CD37: variants seen among roughly 807,000 people sequenced by gnomAD.
CD37 encodes leukocyte antigen CD37.
Under a neutral mutation model 38.9 loss-of-function variants are expected in CD37, and 37 were observed. The ratio of observed to expected loss-of-function variants is 0.95; its 90% confidence interval spans 0.73 to 1.25. The LOEUF is 1.25. Among genes scored for constraint, CD37 ranks in the 50% most tolerant of loss-of-function variants. The pLI, the probability that CD37 is intolerant of heterozygous loss-of-function variation, is 0.00. For missense variants in CD37, 351 were observed against 360.1 expected, an observed-to-expected ratio of 0.97 and a Z score of 0.20; for synonymous variants, 146 against 150.1, an observed-to-expected ratio of 0.97 and a Z score of 0.20.
chr19:49,336,038 C>A, intron 2 of CD37: 1 of 535,158 alleles, frequency 1.9e-6, no homozygotes, highest in Non-Finnish European at 3.3e-6. Flanking sequence ...TGGTCAGATG[C>A]CCCCACAAAC....
chr19:49,337,365 C>T lies in CD37; in HGVS notation c.342+144C>T, dbSNP rs540652404. The T allele has an allele frequency of 1.5e-4, 129 of 842,062 alleles. No homozygotes were observed. The African/African-American group carries it at 1.8e-3, about 12-fold the overall frequency. 52.2% of individuals were successfully genotyped at this position (842,062 alleles called of 1,614,324 possible). On this transcript the variant is annotated intron_variant, in intron 4 of 7. Coordinates refer to ENST00000323906, the MANE Select transcript of CD37 (RefSeq NM_001774.3). ...AAATAAGAGGCTGGGCCTGGTGGCT[C>T]ACGCCTGTAATCCCATAATCCCAGC... is the stretch of plus-strand genomic sequence containing the variant.
chr19:49,338,884 GAC>G lies in CD37; in HGVS notation c.636_637del (p.His212GlnfsTer93). On this transcript the variant is annotated frameshift_variant, in exon 6 of 8. Transcript: ENST00000323906. LOFTEE classifies it high-confidence loss of function. The surrounding 1 kb of genome is among the most constrained non-coding windows in gnomAD (Gnocchi z 5.0). Reference sequence around the variant, plus strand: ...AGGCTTGGACACCTGGCGCGGTCCAGACACAGTGCAGACATCTGCGCTGTCCC... The same window carrying G: ...AGGCTTGGACACCTGGCGCGGTCCAGACAGTGCAGACATCTGCGCTGTCCC... 2 of 1,614,146 alleles carry G rather than the reference GAC, an allele frequency of 1.2e-6. No individual in the cohort carries two copies. The highest frequency in any genetic ancestry group is 1.7e-6 in the Non-Finnish European group (2 of 1,180,046).
intron 2 of CD37, chr19:49,336,657 G>T: frequency 2.1e-6 from 1 of 466,366 alleles, no homozygotes. Flanking sequence ...TGAAACTACT[G>T]GGGACGAGGA....
chr19:49,340,538 G>A lies in CD37; in HGVS notation c.*210G>A. The A allele has an allele frequency of 1.6e-6, 1 of 610,642 alleles. No homozygotes were observed. The highest frequency in any genetic ancestry group is 2.8e-5 in the Admixed American group (1 of 36,258). The allele number at this position is 610,642 out of a possible 1,614,324, so 37.8% of individuals were successfully genotyped here. A position where few individuals can be genotyped will look rare whatever the true frequency, so the allele number is the denominator to read the frequency against. On this transcript the variant is annotated 3_prime_UTR_variant, in exon 8 of 8. Coordinates refer to ENST00000323906, the MANE Select transcript of CD37 (RefSeq NM_001774.3). ...CCACAGCTTCCTGTCCCCATCTGTC[G>A]GCCTACCACCACCCACAAGATTATT...
chr19:49,339,337 C>A lies in CD37; in HGVS notation c.692C>A (p.Ala231Glu). 1 of 1,613,868 alleles carries A rather than the reference C, an allele frequency of 6.2e-7. No homozygotes were observed. Reference protein sequence around the residue: ...AESHIYREGCAQGLQKWLHNN... With the variant: ...AESHIYREGCEQGLQKWLHNN... ...TTTCCCTACACCCCCCAGGGCTGCG[C>A]GCAGGGCCTCCAGAAGTGGCTGCAC... The change falls in exon 7 of 8, where the codon GCG becomes GAG. Residue 231 changes from alanine (A) to glutamate (E), a missense_variant. By Grantham distance (107) the Ala-to-Glu change is moderately radical (BLOSUM62 -1). Transcript: ENST00000323906. The surrounding 1 kb of genome is among the most constrained non-coding windows in gnomAD (Gnocchi z 4.5).
Position 49,335,474 on chromosome 19 carries a change from C to G in CD37, c.-67C>G, listed in dbSNP as rs1329716770. 2 of 1,100,508 alleles carry G rather than the reference C, an allele frequency of 1.8e-6. No individual in the cohort carries two copies. The highest frequency in any genetic ancestry group is 2.8e-6 in the Non-Finnish European group (2 of 717,052). The allele number at this position is 1,100,508 out of a possible 1,614,324, so 68.2% of individuals were successfully genotyped here. On this transcript the variant is annotated 5_prime_UTR_variant, in exon 1 of 8. Coordinates refer to ENST00000323906, the MANE Select transcript of CD37 (RefSeq NM_001774.3). The surrounding 1 kb of genome is among the most constrained non-coding windows in gnomAD (Gnocchi z 4.6). ...TTTCTCTCTCAGCCTCTTTCTTTCTCCCTGTCTCCCCCACTGTCAGCACCT... is the reference window on the plus strand; with the variant it reads ...TTTCTCTCTCAGCCTCTTTCTTTCTGCCTGTCTCCCCCACTGTCAGCACCT...
chr19:49,339,663 T>G lies in CD37; in HGVS notation c.768+250T>G. 2 of 1,427,794 alleles carry G rather than the reference T, an allele frequency of 1.4e-6. No individual in the cohort carries two copies. The highest frequency in any genetic ancestry group is 1.8e-6 in the Non-Finnish European group (2 of 1,095,870). The allele number at this position is 1,427,794 out of a possible 1,614,324, so 88.4% of individuals were successfully genotyped here. On this transcript the variant is annotated intron_variant, in intron 7 of 7. Coordinates refer to ENST00000323906, the MANE Select transcript of CD37 (RefSeq NM_001774.3). This position sits in a 1 kb window ranked among gnomAD's most constrained non-coding sequence, Gnocchi z 4.5. Reference sequence around the variant, plus strand: ...TCCCTCCCCTTTCTCCGCAGATGACTGTCATGGTGCTGAGCGTACAGCTAC... The same window carrying G: ...TCCCTCCCCTTTCTCCGCAGATGACGGTCATGGTGCTGAGCGTACAGCTAC...
At position 49,338,714 on chromosome 19, in the gene CD37, C is replaced by T; in HGVS notation, c.462C>T (p.Gly154=). 6.2e-7 allele frequency: 1 copy of T among 1,611,588 alleles called. No individual in the cohort carries two copies. Among genetic ancestry groups the T allele is most frequent in the Non-Finnish European group, 8.5e-7 (1 of 1,179,444 alleles). ...DYVQFQLRCC[G]WHYPQDWFQV... is the part of the protein sequence containing the mutation. The stretch of plus-strand genomic sequence containing the variant: ...CCCTCTCCCAGCTGCGCTGCTGCGG[C>T]TGGCACTACCCGCAGGACTGGTTCC... The change falls in exon 6 of 8, where the codon GGC becomes GGT. Residue 154 remains glycine (G), a synonymous_variant. Coordinates refer to ENST00000323906, the MANE Select transcript of CD37 (RefSeq NM_001774.3). This position sits in a 1 kb window ranked among gnomAD's most constrained non-coding sequence, Gnocchi z 5.0.
rs1254792127 is a variant in CD37 at position 49,337,909 on chromosome 19, A to C, written c.343-16A>C. On this transcript the variant is annotated splice_polypyrimidine_tract_variant and intron_variant, in intron 4 of 7. Coordinates refer to ENST00000323906, the MANE Select transcript of CD37 (RefSeq NM_001774.3). ...GGCGGGGAAGATAAGGCCCAGCCTC[A>C]CTGGTGGCCTCTCAGCTGGAGCGAA... 6.2e-7 allele frequency: 1 copy of C among 1,613,892 alleles called. No homozygotes were observed.
intron 4 of CD37, 99 bp downstream of exon 4, chr19:49,337,320 G>A (rs1970994890): frequency 4.3e-6 from 5 of 1,159,204 alleles, no homozygotes; most frequent in East Asian, 4.7e-5. Context: ...GGGCAGACAG[G>A]GGCTAACCTA....
Position 49,339,779 on chromosome 19 carries a change from G to GC in CD37, c.768+367dup. The stretch of plus-strand genomic sequence containing the variant: ...CCCAGCCTGATCGCTGACGGCGGCG[G>GC]CGGGCACAGCGGCAGTCTGTGGGGT... On this transcript the variant is annotated intron_variant, in intron 7 of 7. Transcript: ENST00000323906. This position sits in a 1 kb window ranked among gnomAD's most constrained non-coding sequence, Gnocchi z 4.5. The GC allele has an allele frequency of 3.7e-6, 5 of 1,365,260 alleles. No individual in the cohort carries two copies. Among genetic ancestry groups the GC allele is most frequent in the Non-Finnish European group, 4.7e-6 (5 of 1,060,300 alleles). The allele number at this position is 1,365,260 out of a possible 1,614,324, so 84.6% of individuals were successfully genotyped here.
In CD37 at chr19:49,338,187, A is replaced by G. The variant is rs1971033209; in HGVS notation, c.447+158A>G. ...CGCTCCCCACTCCCCAGATGACACA[A>G]CTGTCCCCGGCGTCGCCTGGTCTCC... On this transcript the variant is annotated intron_variant, in intron 5 of 7. Coordinates refer to ENST00000323906, the MANE Select transcript of CD37 (RefSeq NM_001774.3). The surrounding 1 kb of genome is among the most constrained non-coding windows in gnomAD (Gnocchi z 5.0). The G allele has an allele frequency of 2.1e-6, 3 of 1,437,982 alleles. 1 individual carries two copies. In the South Asian group the frequency reaches 4.5e-5, roughly 21 times the overall value. The allele number at this position is 1,437,982 out of a possible 1,614,324, so 89.1% of individuals were successfully genotyped here.
chr19:49,338,920 G>C lies in CD37; in HGVS notation c.668G>C (p.Ser223Thr). ...SADICAVPAESHIYREGCAQG... is the reference protein window; with the variant it reads ...SADICAVPAETHIYREGCAQG... ...GACATCTGCGCTGTCCCTGCAGAGA[G>C]CCACATCTACCGCGAGGTGGGCAGG... The change falls in exon 6 of 8, where the codon AGC becomes ACC. Residue 223 changes from serine (S) to threonine (T), a missense_variant. Coordinates refer to ENST00000323906, the MANE Select transcript of CD37 (RefSeq NM_001774.3). This position sits in a 1 kb window ranked among gnomAD's most constrained non-coding sequence, Gnocchi z 5.0. 1 of 1,613,054 alleles carries C rather than the reference G, an allele frequency of 6.2e-7. No homozygotes were observed. The highest frequency in any genetic ancestry group is 8.5e-7 in the Non-Finnish European group (1 of 1,179,198).
In CD37 at chr19:49,336,763, C is replaced by T. The variant is rs1970970774; in HGVS notation, c.143-146C>T. 5 of 738,276 alleles carry T rather than the reference C, an allele frequency of 6.8e-6. No individual in the cohort carries two copies. In the South Asian group the frequency reaches 7.5e-5, roughly 11 times the overall value. The allele number at this position is 738,276 out of a possible 1,614,324, so 45.7% of individuals were successfully genotyped here. ...AAGAAGAGAAAGTTTCAGAAGGAAACAGGGACTCAGGGTGGGGCAGGGACA... is the reference window on the plus strand; with the variant it reads ...AAGAAGAGAAAGTTTCAGAAGGAAATAGGGACTCAGGGTGGGGCAGGGACA... On this transcript the variant is annotated intron_variant, in intron 2 of 7. Transcript: ENST00000323906.
At position 49,339,930 on chromosome 19, in the gene CD37, G is replaced by T; in HGVS notation, c.769-321G>T. On this transcript the variant is annotated intron_variant, in intron 7 of 7. Transcript: ENST00000323906. The surrounding 1 kb of genome is among the most constrained non-coding windows in gnomAD (Gnocchi z 4.5). The stretch of plus-strand genomic sequence containing the variant: ...AGGACCAGCCTGACACTGGAAGTGC[G>T]GGCGCAGAATTAGAGGAGGCACAAT... 1 of 1,369,950 alleles carries T rather than the reference G, an allele frequency of 7.3e-7. No homozygotes were observed. The highest frequency in any genetic ancestry group is 9.4e-7 in the Non-Finnish European group (1 of 1,058,310). 84.9% of individuals were successfully genotyped at this position (1,369,950 alleles called of 1,614,324 possible).
chr19:49,337,498 T>C (rs1600672821), intron 4 of CD37: 6 of 645,662 alleles, frequency 9.3e-6, no homozygotes, highest in Non-Finnish European at 1.5e-5. Flanking sequence ...GGTGTGCACC[T>C]GGGGTCCCAG....
rs1971191539 is a variant in CD37 at position 49,340,458 on chromosome 19, C to A, written c.*130C>A. ...GCCTTCACATTCCCCTGGGGACCCACGTGGCTGCGTGCCCCTGCTGCTGTC... is the reference window on the plus strand; with the variant it reads ...GCCTTCACATTCCCCTGGGGACCCAAGTGGCTGCGTGCCCCTGCTGCTGTC... On this transcript the variant is annotated 3_prime_UTR_variant, in exon 8 of 8. Coordinates refer to ENST00000323906, the MANE Select transcript of CD37 (RefSeq NM_001774.3). The A allele has an allele frequency of 1.4e-6, 1 of 714,622 alleles. No homozygotes were observed. Among genetic ancestry groups the A allele is most frequent in the Non-Finnish European group, 2.5e-6 (1 of 400,066 alleles). The allele number at this position is 714,622 out of a possible 1,614,324, so 44.3% of individuals were successfully genotyped here. A position where few individuals can be genotyped will look rare whatever the true frequency, so the allele number is the denominator to read the frequency against.
Position 49,337,141 on chromosome 19 carries a change from C to T in CD37, c.268-6C>T, listed in dbSNP as rs753287289. 1 of 1,614,024 alleles carries T rather than the reference C, an allele frequency of 6.2e-7. No individual in the cohort carries two copies. Among genetic ancestry groups the T allele is most frequent in the Non-Finnish European group, 8.5e-7 (1 of 1,180,018 alleles). ...GTCAGCCTGATCTCTCCACTCTGCT[C>T]CCCAGTATTTTGGGATGCTGCTGCT... On this transcript the variant is annotated splice_polypyrimidine_tract_variant and splice_region_variant and intron_variant, in intron 3 of 7. Coordinates refer to ENST00000323906, the MANE Select transcript of CD37 (RefSeq NM_001774.3).
chr19:49,338,630 A>C lies in CD37; in HGVS notation c.448-70A>C. On this transcript the variant is annotated intron_variant, in intron 5 of 7. Coordinates refer to ENST00000323906, the MANE Select transcript of CD37 (RefSeq NM_001774.3). The surrounding 1 kb of genome is among the most constrained non-coding windows in gnomAD (Gnocchi z 5.0). ...TCCCCGACCTGACCTCATACCCATC[A>C]CCTTGTCCCCTGATCCCCAACATCA... 8.6e-7 allele frequency: 1 copy of C among 1,157,446 alleles called. No homozygotes were observed. Among genetic ancestry groups the C allele is most frequent in the Non-Finnish European group, 1.3e-6 (1 of 781,982 alleles). 71.7% of individuals were successfully genotyped at this position (1,157,446 alleles called of 1,614,324 possible).
Sources: gnomAD v4.1 joint callset for allele counts on GRCh38, gnomAD v4.1.1 for gene constraint, Gnocchi (gnomAD v3.1) non-coding constraint, MANE v1.5 for transcripts, NCBI Gene and HGNC (gene_info 2026-07-23, HGNC 2026-07-21) for gene names.